KIRREL3: variants seen among roughly 807,000 people sequenced by gnomAD.
KIRREL3 encodes kin of IRRE-like protein 3.
In KIRREL3, 36 loss-of-function variants were observed where a neutral mutation model predicts 89.7. That is an observed-to-expected ratio of 0.40 (90% CI 0.31 to 0.53). KIRREL3 has a LOEUF of 0.53. KIRREL3 is among the 20% of genes least tolerant of loss of function. KIRREL3 has a pLI of 0.49. For missense variants in KIRREL3, 864 were observed against 1,056.6 expected, an observed-to-expected ratio of 0.82 and a Z score of 2.53; for synonymous variants, 445 against 441.4, an observed-to-expected ratio of 1.01 and a Z score of -0.10.
At position 126,719,047 on chromosome 11, in the gene KIRREL3, T is replaced by A. The variant is rs1276381038; in HGVS notation, c.56-156135A>T. On this transcript the variant is annotated intron_variant, in intron 1 of 16. Coordinates refer to ENST00000525144, the MANE Select transcript of KIRREL3 (RefSeq NM_032531.4). The surrounding 1 kb of genome is among the most constrained non-coding windows in gnomAD (Gnocchi z 4.7). Reference sequence around the variant, plus strand: ...TTTTAAAATGGAGAAGCCTTTCTCATGTTTGTTTTCCTCCTGCTATACCTC... The same window carrying A: ...TTTTAAAATGGAGAAGCCTTTCTCAAGTTTGTTTTCCTCCTGCTATACCTC... Among the ~76,000 whole-genome samples the A allele has an allele frequency of 2.0e-5, 3 of 152,258 alleles. No homozygotes were observed. Among genetic ancestry groups the A allele is most frequent in the Non-Finnish European group, 2.9e-5 (2 of 68,052 alleles).
intron 1 of KIRREL3, among the ~76,000 whole-genome samples, chr11:126,824,704 G>A (rs1943347087): frequency 6.6e-6 from 1 of 152,224 alleles, no homozygotes. Context: ...ATATGTGAGA[G>A]AGGGTAGAAG....
Position 126,652,217 on chromosome 11 carries a change from CG to C in KIRREL3, c.56-89306del, listed in dbSNP as rs1244410387. Among the ~76,000 whole-genome samples, 14 of 152,020 alleles carry C rather than the reference CG, an allele frequency of 9.2e-5. No individual in the cohort carries two copies. Among genetic ancestry groups the C allele is most frequent in the Admixed American group, 2.0e-4 (3 of 15,252 alleles). On this transcript the variant is annotated intron_variant, in intron 1 of 16. Transcript: ENST00000525144. The surrounding 1 kb of genome is among the most constrained non-coding windows in gnomAD (Gnocchi z 4.9). ...GGGATGGGCTTCTTTGGTTGAGTTC[CG>C]GTGTCTGTTAACCCCCCACCCCTTG... is the stretch of plus-strand genomic sequence containing the variant.
In KIRREL3 at chr11:126,957,142, C is replaced by T. The variant is rs115580832; in HGVS notation, c.55+43313G>A. On this transcript the variant is annotated intron_variant, in intron 1 of 16. Coordinates refer to ENST00000525144, the MANE Select transcript of KIRREL3 (RefSeq NM_032531.4). The stretch of plus-strand genomic sequence containing the variant: ...CAGCCCTGTGAGGACACAGCTAGCT[C>T]GTGGCTCATGAAAGCTGGCCTTCCA... 6.5e-3 allele frequency among the ~76,000 whole-genome samples: 989 copies of T among 152,294 alleles called. 7 individuals are homozygous for T. The highest frequency in any genetic ancestry group is 0.022 in the African/African-American group (920 of 41,562).
intron 1 of KIRREL3, among the ~76,000 whole-genome samples, chr11:126,864,510 A>T (rs916408314): frequency 6.6e-6 from 1 of 152,134 alleles, no homozygotes; most frequent in African/African-American, 2.4e-5. Context: ...GGGAAGGTGC[A>T]TTGCCCCACT....
chr11:126,457,387 G>A (rs560899173), intron 6 of KIRREL3, among the ~76,000 whole-genome samples: 4 of 151,158 alleles, frequency 2.6e-5, no homozygotes, highest in South Asian at 2.1e-4. Context: ...GTGTGTATGC[G>A]TGTGTGTGTA....
Position 126,566,599 on chromosome 11 carries a change from G to A in KIRREL3, c.56-3687C>T, listed in dbSNP as rs79608536. Among the ~76,000 whole-genome samples, 926 of 152,320 alleles carry A rather than the reference G, an allele frequency of 6.1e-3. 27 individuals carry two copies. In the East Asian group the frequency reaches 0.089, roughly 15 times the overall value. Reference sequence around the variant, plus strand: ...GGTTGTAGAGTGAATGAAACTTGTAGCTCATTGGAAGAGAAGCCTAGATAA... The same window carrying A: ...GGTTGTAGAGTGAATGAAACTTGTAACTCATTGGAAGAGAAGCCTAGATAA... On this transcript the variant is annotated intron_variant, in intron 1 of 16. Coordinates refer to ENST00000525144, the MANE Select transcript of KIRREL3 (RefSeq NM_032531.4). This position sits in a 1 kb window ranked among gnomAD's most constrained non-coding sequence, Gnocchi z 4.9.
intron 1 of KIRREL3, among the ~76,000 whole-genome samples, chr11:126,774,196 TG>T (rs1282414522): frequency 6.9e-6 from 1 of 145,940 alleles, no homozygotes; most frequent in East Asian, 2.0e-4. Context: ...ATAAATGAAT[TG>T]GGATAGGAAG....
At chr11:126,920,934 G>A (rs1215835669) in intron 1 of KIRREL3, among the ~76,000 whole-genome samples, 1 of 152,224 alleles carries the variant, frequency 6.6e-6, no homozygotes, top group Non-Finnish European at 1.5e-5. Context: ...CAACTTGACT[G>A]AATTATGCGA....
intron 1 of KIRREL3, among the ~76,000 whole-genome samples, chr11:126,617,684 A>G (rs142183179): frequency 6.6e-6 from 1 of 152,318 alleles, no homozygotes; most frequent in Non-Finnish European, 1.5e-5. Context: ...TGCACATATT[A>G]GCTTTATAAA....
In KIRREL3 at chr11:126,455,691, G is replaced by A. The variant is rs987730080; in HGVS notation, c.848+658C>T. On this transcript the variant is annotated intron_variant, in intron 7 of 16. Transcript: ENST00000525144. The surrounding 1 kb of genome is among the most constrained non-coding windows in gnomAD (Gnocchi z 6.4). ...GGCGCCTGTAGTCCCAGCTACTTGG[G>A]AGGCTGAGGCGGGAGAATGGCGTGA... 6.6e-6 allele frequency among the ~76,000 whole-genome samples: 1 copy of A among 152,128 alleles called. No individual in the cohort carries two copies. The highest frequency in any genetic ancestry group is 1.9e-4 in the East Asian group (1 of 5,192).
rs768780101 is a variant in KIRREL3, at chr11:126,989,996, C to T, written c.55+10459G>A. ...GTTTGTTTTGTTTTTTCAGCATTTG[C>T]GGGGAATGACAACAGAAATATTGGC... On this transcript the variant is annotated intron_variant, in intron 1 of 16. Coordinates refer to ENST00000525144, the MANE Select transcript of KIRREL3 (RefSeq NM_032531.4). The surrounding 1 kb of genome is among the most constrained non-coding windows in gnomAD (Gnocchi z 6.2). 5.3e-5 allele frequency among the ~76,000 whole-genome samples: 8 copies of T among 152,120 alleles called. No individual in the cohort carries two copies. Among genetic ancestry groups the T allele is most frequent in the South Asian group, 2.1e-4 (1 of 4,824 alleles).
intron 1 of KIRREL3, among the ~76,000 whole-genome samples, chr11:126,932,565 T>C (rs1286282774): frequency 6.6e-6 from 1 of 152,210 alleles, no homozygotes; most frequent in African/African-American, 2.4e-5. Context: ...CTCAATGCAT[T>C]GAACCCAATA....
chr11:126,841,540 T>C (rs1246108711), intron 1 of KIRREL3, among the ~76,000 whole-genome samples: 3 of 152,248 alleles, frequency 2.0e-5, no homozygotes, highest in South Asian at 4.1e-4. Flanking sequence ...TCATTATTCG[T>C]TTACAGGTTA....
chr11:126,774,307 AG>A (rs1165114844), intron 1 of KIRREL3, among the ~76,000 whole-genome samples: 1 of 152,062 alleles, frequency 6.6e-6, no homozygotes, highest in Non-Finnish European at 1.5e-5. Context: ...GAAGGGGGAA[AG>A]AACTCCGAGT....
intron 7 of KIRREL3, among the ~76,000 whole-genome samples, chr11:126,452,171 CAATT>C (rs1419118349): frequency 5.9e-5 from 9 of 152,288 alleles, no homozygotes; most frequent in Admixed American, 3.3e-4. Flanking sequence ...ATTAAGAACA[CAATT>C]AATAATAACA....
chr11:126,713,601 C>T (rs974737702), intron 1 of KIRREL3, among the ~76,000 whole-genome samples: 8 of 152,260 alleles, frequency 5.3e-5, no homozygotes, highest in South Asian at 4.1e-4. Flanking sequence ...AGGAAGTAGA[C>T]GCAACAGGCT....
Position 126,751,000 on chromosome 11 carries a change from T to G in KIRREL3, c.56-188088A>C, listed in dbSNP as rs1269332509. On this transcript the variant is annotated intron_variant, in intron 1 of 16. Transcript: ENST00000525144. This position sits in a 1 kb window ranked among gnomAD's most constrained non-coding sequence, Gnocchi z 4.2. ...TATGATCTTGTCTAATTTATCCATA[T>G]GGATGTGTACACATGTGATTTGGAC... 6.6e-6 allele frequency among the ~76,000 whole-genome samples: 1 copy of G among 152,238 alleles called. No individual in the cohort carries two copies. Among genetic ancestry groups the G allele is most frequent in the Non-Finnish European group, 1.5e-5 (1 of 68,030 alleles).
chr11:126,474,440 C>A lies in KIRREL3; in HGVS notation c.434-974G>T, dbSNP rs376019226. On this transcript the variant is annotated intron_variant, in intron 4 of 16. Coordinates refer to ENST00000525144, the MANE Select transcript of KIRREL3 (RefSeq NM_032531.4). This position sits in a 1 kb window ranked among gnomAD's most constrained non-coding sequence, Gnocchi z 6.7. ...AGGCCAGGCCCAGGGAACCTGGGAG[C>A]ACCAGGCCGGCCCCTTCCCTGGCAG... Among the ~76,000 whole-genome samples the A allele has an allele frequency of 6.6e-6, 1 of 152,206 alleles. No homozygotes were observed. Among genetic ancestry groups the A allele is most frequent in the Non-Finnish European group, 1.5e-5 (1 of 68,038 alleles).
chr11:126,841,333 C>T (rs551047738), intron 1 of KIRREL3, among the ~76,000 whole-genome samples: 14 of 152,166 alleles, frequency 9.2e-5, no homozygotes, highest in Non-Finnish European at 1.3e-4. Context: ...CTAGGCAGAG[C>T]GAGGCGTGTT....
Sources: allele counts gnomAD v4.1 joint callset (sites outside exome capture counted in the v4.1 genomes callset), GRCh38; gene constraint gnomAD v4.1.1; non-coding constraint Gnocchi (gnomAD v3.1); transcripts MANE v1.5; gene names NCBI Gene and HGNC (gene_info 2026-07-23, HGNC 2026-07-21).